RNGTT: variants seen among roughly 807,000 people sequenced by gnomAD.
The protein encoded by RNGTT is RNA guanylyltransferase and 5'-phosphatase, also known as mRNA-capping enzyme.
RNGTT carries 33 observed loss-of-function variants against 79.3 expected under a neutral mutation model. The observed-to-expected ratio is 0.42, with a 90% confidence interval of 0.32 to 0.56. RNGTT has a LOEUF of 0.56. Among genes scored for constraint, RNGTT ranks in the 20% least tolerant of loss-of-function variants. The pLI, the probability that RNGTT is intolerant of heterozygous loss-of-function variation, is 0.17. For synonymous variants in RNGTT, 222 were observed against 235.9 expected (o/e 0.94, Z 0.54); for missense variants, 497 against 739.1 (o/e 0.67, Z 3.80).
chr6:88,918,454 GA>G (rs2127949039), intron 4 of RNGTT, among the ~76,000 whole-genome samples: 1 of 152,218 alleles, frequency 6.6e-6, no homozygotes, highest in South Asian at 2.1e-4. Context: ...ATGCAAAACA[GA>G]AAGAAGGGTA....
At chr6:88,676,335 G>A (rs943060690) in intron 14 of RNGTT, among the ~76,000 whole-genome samples, 2 of 151,226 alleles carry the variant, frequency 1.3e-5, no homozygotes, top group South Asian at 4.2e-4. Context: ...ATATATCCAC[G>A]TCTTGGAAAA....
chr6:88,920,482 G>A (rs1229173130), intron 4 of RNGTT, among the ~76,000 whole-genome samples: 1 of 152,026 alleles, frequency 6.6e-6, no homozygotes, highest in East Asian at 1.9e-4. Context: ...TTAAGGATGT[G>A]TGTATATATA....
In RNGTT at chr6:88,698,260, A is replaced by AATATATATATGATATATATTTCAT. The variant is rs1229457522; in HGVS notation, c.1440-19842_1440-19841insATGAAATATATATCATATATATAT. 7.2e-3 allele frequency among the ~76,000 whole-genome samples: 683 copies of AATATATATATGATATATATTTCAT among 95,402 alleles called. 58 individuals are homozygous for AATATATATATGATATATATTTCAT. The highest frequency in any genetic ancestry group is 0.058 in the African/African-American group (632 of 10,856). 62.6% of individuals were successfully genotyped at this position (95,402 alleles called of 152,430 possible). ...AATATATATATGAAATATATATATAAATATATATGATATATATATTTCATA... is the reference window on the plus strand; with the variant it reads ...AATATATATATGAAATATATATATAAATATATATATGATATATATTTCATATATATATGATATATATATTTCATA... On this transcript the variant is annotated intron_variant, in intron 13 of 15. Transcript: ENST00000369485.
At chr6:88,726,037 AAGAGAGAT>A (rs1361791146) in intron 13 of RNGTT, among the ~76,000 whole-genome samples, 2 of 152,136 alleles carry the variant, frequency 1.3e-5, no homozygotes, top group East Asian at 1.9e-4. Context: ...CAGAGAGTCA[AAGAGAGAT>A]AGAGAGATAG....
chr6:88,930,526 A>G (rs1367942702), intron 2 of RNGTT, among the ~76,000 whole-genome samples: 1 of 151,956 alleles, frequency 6.6e-6, no homozygotes, highest in Non-Finnish European at 1.5e-5. Context: ...TTTCAGTATC[A>G]TATAAAAACA....
chr6:88,886,630 C>A (rs1375319377), intron 8 of RNGTT, among the ~76,000 whole-genome samples: 1 of 152,098 alleles, frequency 6.6e-6, no homozygotes, highest in South Asian at 2.1e-4. Context: ...AAAACTGCAA[C>A]CAAAAGTACT....
intron 13 of RNGTT, among the ~76,000 whole-genome samples, chr6:88,730,512 C>T (rs573077779): frequency 1.3e-5 from 2 of 152,298 alleles, no homozygotes; most frequent in Non-Finnish European, 2.9e-5. Flanking sequence ...CCTTGCCTTG[C>T]TCAGAATTAA....
At chr6:88,788,874 C>T (rs1779313553) in intron 12 of RNGTT, among the ~76,000 whole-genome samples, 1 of 152,142 alleles carries the variant, frequency 6.6e-6, no homozygotes, top group African/African-American at 2.4e-5. Flanking sequence ...TTTATAAACA[C>T]AAATATCCTA....
At chr6:88,632,491 A>G (rs548390710) in intron 14 of RNGTT, among the ~76,000 whole-genome samples, 6 of 151,950 alleles carry the variant, frequency 3.9e-5, no homozygotes, top group African/African-American at 1.4e-4. Context: ...CAGTTTATCT[A>G]ATGCAAGAAA....
intron 11 of RNGTT, among the ~76,000 whole-genome samples, chr6:88,828,750 T>C (rs115824789): frequency 0.016 from 2,468 of 151,364 alleles, 64 homozygotes; most frequent in African/African-American, 0.057. Context: ...TACACAAATA[T>C]CAACAGCCGA....
At chr6:88,870,111 G>C (rs1349842182) in intron 8 of RNGTT, among the ~76,000 whole-genome samples, 2 of 152,192 alleles carry the variant, frequency 1.3e-5, no homozygotes, top group Non-Finnish European at 1.5e-5. Context: ...CTGAAAGCCA[G>C]AGTGATACTA....
At position 88,662,794 on chromosome 6, in the gene RNGTT, G is replaced by A. The variant is rs148463017; in HGVS notation, c.1506+15559C>T. Among the ~76,000 whole-genome samples, 744 of 152,324 alleles carry A rather than the reference G, an allele frequency of 4.9e-3. 4 individuals are homozygous for A. The highest frequency in any genetic ancestry group is 8.0e-3 in the Non-Finnish European group (542 of 68,016). ...GCAGTGTGCGGCAGACCCCCGTGGA[G>A]AATTAACACAGCGGTTGAACACCGG... On this transcript the variant is annotated intron_variant, in intron 14 of 15. Coordinates refer to ENST00000369485, the MANE Select transcript of RNGTT (RefSeq NM_003800.5).
At chr6:88,938,657 G>T (rs927951757) in intron 2 of RNGTT, among the ~76,000 whole-genome samples, 3 of 152,046 alleles carry the variant, frequency 2.0e-5, no homozygotes, top group African/African-American at 4.8e-5. Flanking sequence ...TTGTGTAGTG[G>T]TAACATTTGA....
At chr6:88,653,603 G>A (rs1483020716) in intron 14 of RNGTT, among the ~76,000 whole-genome samples, 1 of 151,972 alleles carries the variant, frequency 6.6e-6, no homozygotes, top group African/African-American at 2.4e-5. Context: ...GATATACTAA[G>A]CCCAAGATGT....
At chr6:88,647,072 A>G (rs1330284641) in intron 14 of RNGTT, among the ~76,000 whole-genome samples, 2 of 152,080 alleles carry the variant, frequency 1.3e-5, no homozygotes, top group African/African-American at 2.4e-5. Context: ...TTGAAAAATC[A>G]TAAGTTGAAC....
At chr6:88,808,532 G>A (rs900623626) in intron 11 of RNGTT, among the ~76,000 whole-genome samples, 1 of 152,138 alleles carries the variant, frequency 6.6e-6, no homozygotes, top group African/African-American at 2.4e-5. Context: ...ATTTAAACCA[G>A]ATTGTTTTCA....
chr6:88,655,651 T>C (rs1773950127), intron 14 of RNGTT, among the ~76,000 whole-genome samples: 1 of 152,156 alleles, frequency 6.6e-6, no homozygotes, highest in Non-Finnish European at 1.5e-5. Flanking sequence ...ACTTTCCACA[T>C]ATGGTTGCTG....
chr6:88,852,192 C>T (rs745987156), intron 9 of RNGTT, among the ~76,000 whole-genome samples: 5 of 151,972 alleles, frequency 3.3e-5, no homozygotes, highest in Non-Finnish European at 7.4e-5. Flanking sequence ...CATTCTCCAC[C>T]CTGCTCAATT....
chr6:88,889,418 T>C (rs1782971513), intron 8 of RNGTT, among the ~76,000 whole-genome samples: 1 of 152,178 alleles, frequency 6.6e-6, no homozygotes. Flanking sequence ...TCTCCATATA[T>C]ATCTTTTAAG....
Sources: gnomAD v4.1 joint callset for allele counts (sites outside exome capture counted in the v4.1 genomes callset) on GRCh38, gnomAD v4.1.1 for gene constraint, MANE v1.5 for transcripts, NCBI Gene and HGNC (gene_info 2026-07-23, HGNC 2026-07-21) for gene names.